The following FTO variants were observed in gnomAD, a reference collection of about 807,000 sequenced individuals.
The protein encoded by FTO is FTO alpha-ketoglutarate dependent dioxygenase.
In FTO, 47 loss-of-function variants were observed where a neutral mutation model predicts 63.9. The ratio of observed to expected loss-of-function variants is 0.74; its 90% CI spans 0.58 to 0.94. The LOEUF is 0.94. FTO is among the 40% of genes least tolerant of loss of function. The pLI is 0.00. For missense variants in FTO, 562 were observed against 618.1 expected, an observed-to-expected ratio of 0.91 and a Z score of 0.96; for synonymous variants, 207 against 224.4, an observed-to-expected ratio of 0.92 and a Z score of 0.69.
At chr16:53,724,278 C>T (rs2076103226) in intron 1 of FTO, among the ~76,000 whole-genome samples, 1 of 152,144 alleles carries the variant, frequency 6.6e-6, no homozygotes, top group Non-Finnish European at 1.5e-5. Flanking sequence ...GGCTGTATTC[C>T]TTACAGATGA....
At chr16:53,937,049 A>C (rs922350518) in intron 8 of FTO, among the ~76,000 whole-genome samples, 1 of 152,222 alleles carries the variant, frequency 6.6e-6, no homozygotes, top group Non-Finnish European at 1.5e-5. Context: ...AAACTGAAGC[A>C]TATGTTCCTT....
intron 7 of FTO, among the ~76,000 whole-genome samples, chr16:53,912,932 G>A (rs1567429951): frequency 6.6e-6 from 1 of 152,212 alleles, no homozygotes; most frequent in African/African-American, 2.4e-5. Context: ...GAAATACGAA[G>A]AGTTCCTTCC....
chr16:53,940,287 G>A (rs999861347), intron 8 of FTO, among the ~76,000 whole-genome samples: 1 of 152,008 alleles, frequency 6.6e-6, no homozygotes, highest in Admixed American at 6.6e-5. Context: ...TTTTTCAATC[G>A]GACATTTTAA....
At chr16:53,973,546 A>G (rs2143752812) in intron 8 of FTO, among the ~76,000 whole-genome samples, 1 of 152,220 alleles carries the variant, frequency 6.6e-6, no homozygotes, top group South Asian at 2.1e-4. Context: ...GCTAGTTTTG[A>G]GGATAGTGTT....
chr16:53,822,536 T>TA (rs1445864903), intron 2 of FTO, among the ~76,000 whole-genome samples: 5 of 152,164 alleles, frequency 3.3e-5, no homozygotes. Flanking sequence ...GTCACGGTGT[T>TA]ACTGAATGTG....
At chr16:53,942,571 G>A (rs1005712595) in intron 8 of FTO, among the ~76,000 whole-genome samples, 3 of 152,192 alleles carry the variant, frequency 2.0e-5, no homozygotes, top group African/African-American at 7.2e-5. Flanking sequence ...GAACAAAGCT[G>A]AGGCTAATAT....
intron 8 of FTO, among the ~76,000 whole-genome samples, chr16:54,036,888 G>T (rs1419593529): frequency 6.6e-6 from 1 of 152,138 alleles, no homozygotes; most frequent in Non-Finnish European, 1.5e-5. Context: ...GATTGTTTTG[G>T]TAGGCCTCTG....
chr16:53,730,293 G>C (rs1374640556), intron 1 of FTO, among the ~76,000 whole-genome samples: 3 of 152,058 alleles, frequency 2.0e-5, no homozygotes, highest in Non-Finnish European at 1.5e-5. Flanking sequence ...GAGCAAGTTA[G>C]CTTCAGATAA....
intron 7 of FTO, among the ~76,000 whole-genome samples, chr16:53,916,192 G>A (rs528252163): frequency 3.9e-4 from 59 of 152,322 alleles, no homozygotes; most frequent in African/African-American, 1.4e-3. Context: ...TGAATGAAAT[G>A]TAGTTTATAA....
At chr16:54,027,333 C>T (rs1165348645) in intron 8 of FTO, among the ~76,000 whole-genome samples, 3 of 152,060 alleles carry the variant, frequency 2.0e-5, no homozygotes, top group African/African-American at 7.2e-5. Context: ...GGTTCAGGCC[C>T]CATGAGCTGG....
At chr16:53,879,009 T>C (rs1279039883) in intron 5 of FTO, among the ~76,000 whole-genome samples, 3 of 152,196 alleles carry the variant, frequency 2.0e-5, no homozygotes, top group Non-Finnish European at 4.4e-5. Flanking sequence ...ACTGCATTTT[T>C]CCCCGCTGTC....
intron 1 of FTO, among the ~76,000 whole-genome samples, chr16:53,725,248 C>T (rs545300116): frequency 1.3e-5 from 2 of 152,310 alleles, no homozygotes; most frequent in Admixed American, 1.3e-4. Context: ...ATGTTCCTGT[C>T]TCTCAATTCA....
At chr16:53,758,421 A>G (rs578224546) in intron 1 of FTO, among the ~76,000 whole-genome samples, 2 of 152,346 alleles carry the variant, frequency 1.3e-5, no homozygotes, top group African/African-American at 2.4e-5. Flanking sequence ...TGGGGAGGTT[A>G]TGTAACCATT....
At chr16:53,984,807 A>G in intron 8 of FTO, 3 of 404,750 alleles carry the variant, frequency 7.4e-6, no homozygotes, top group South Asian at 3.8e-5. Context: ...TGATATTGGG[A>G]TATGATTATT....
chr16:54,089,495 T>G (rs1442320874), intron 8 of FTO, among the ~76,000 whole-genome samples: 1 of 152,102 alleles, frequency 6.6e-6, no homozygotes, highest in Non-Finnish European at 1.5e-5. Flanking sequence ...AAAAGGGAAG[T>G]TGGGAGACAC....
intron 8 of FTO, among the ~76,000 whole-genome samples, chr16:54,099,738 G>A (rs741300): frequency 0.66 from 99,898 of 152,002 alleles, 33,157 homozygotes; most frequent in African/African-American, 0.73. Context: ...GCAGTCTCAC[G>A]TATTAAGTGG....
intron 8 of FTO, among the ~76,000 whole-genome samples, chr16:54,038,095 C>T (rs2084986536): frequency 6.6e-6 from 1 of 152,126 alleles, no homozygotes; most frequent in Non-Finnish European, 1.5e-5. Context: ...CGGCAGTGAA[C>T]ACATTGAAAA....
At chr16:53,896,619 A>G (rs1010403474) in intron 7 of FTO, among the ~76,000 whole-genome samples, 3 of 152,198 alleles carry the variant, frequency 2.0e-5, no homozygotes, top group Admixed American at 6.5e-5. Flanking sequence ...TGATGATCCA[A>G]TGAGAAAGTT....
intron 8 of FTO, among the ~76,000 whole-genome samples, chr16:54,027,282 T>G (rs1157855012): frequency 6.6e-6 from 1 of 152,148 alleles, no homozygotes; most frequent in Non-Finnish European, 1.5e-5. Context: ...CATAGCTGAA[T>G]TTTTGGGGTT....
Sources: allele counts gnomAD v4.1 joint callset (sites outside exome capture counted in the v4.1 genomes callset), GRCh38; gene constraint gnomAD v4.1.1; transcripts MANE v1.5; gene names NCBI Gene and HGNC (gene_info 2026-07-23, HGNC 2026-07-21).